Variants in ANO10 observed in about 807,000 individuals in gnomAD.
The protein encoded by ANO10 is anoctamin-10.
In ANO10, 77 loss-of-function variants were observed where a neutral mutation model predicts 74.7. That is an observed-to-expected ratio of 1.03 (90% CI 0.86 to 1.25). The LOEUF (loss-of-function observed/expected upper bound fraction) is 1.25. Among genes scored for constraint, ANO10 ranks in the 50% most tolerant of loss-of-function variants. The probability of loss-of-function intolerance (pLI) is 0.00; values close to 1 mark genes in which losing one functional copy is unlikely to be tolerated. For synonymous variants in ANO10, 279 were observed against 284.9 expected (o/e 0.98, Z 0.21); for missense variants, 721 against 778.1 (o/e 0.93, Z 0.87).
chr3:43,690,921 C>T (rs1356192941), intron 1 of ANO10: 9 of 1,493,638 alleles, frequency 6.0e-6, no homozygotes, highest in Middle Eastern at 2.1e-4. Flanking sequence ...AAGTGCCGCG[C>T]CAGCCCGGGG....
intron 12 of ANO10, among the ~76,000 whole-genome samples, chr3:43,418,092 C>T (rs1286457729): frequency 1.3e-5 from 2 of 152,144 alleles, no homozygotes; most frequent in Non-Finnish European, 2.9e-5. Flanking sequence ...GCCTGAGCAA[C>T]ATGGTGAAAC....
intron 11 of ANO10, among the ~76,000 whole-genome samples, chr3:43,461,546 C>T (rs6441777): frequency 0.92 from 140,289 of 152,258 alleles, 64,916 homozygotes; most frequent in Non-Finnish European, 0.97. Context: ...AGCAAGTCAT[C>T]CCTGTGGTGT....
upstream of ANO10, among the ~76,000 whole-genome samples, chr3:43,626,333 C>T (rs1575569183): frequency 7.0e-6 from 1 of 143,088 alleles, no homozygotes; most frequent in South Asian, 2.2e-4. Flanking sequence ...CTCGCTGTAT[C>T]GCCCAGGCTG....
chr3:43,393,572 T>G (rs1389965103), intron 12 of ANO10, among the ~76,000 whole-genome samples: 1 of 152,188 alleles, frequency 6.6e-6, no homozygotes, highest in Non-Finnish European at 1.5e-5. Flanking sequence ...CAGCCCTGTG[T>G]GCAAGGCTCC....
chr3:43,526,639 C>T (rs922049226), intron 11 of ANO10, among the ~76,000 whole-genome samples: 3 of 152,114 alleles, frequency 2.0e-5, no homozygotes, highest in African/African-American at 7.2e-5. Context: ...CATGAAGGGG[C>T]TTCTGGTAAA....
rs539828499 is a variant in ANO10 at position 43,400,012 on chromosome 3, A to G, written c.1914+32599T>C. Among the ~76,000 whole-genome samples, 55 of 152,282 alleles carry G rather than the reference A, an allele frequency of 3.6e-4. No individual in the cohort carries two copies. The East Asian group carries it at 6.6e-3, about 18-fold the overall frequency. ...AATACAGGGAGTGCTCTCATCTCCC[A>G]ACAGCTGGCTGTATCTAAAGAGGGT... On this transcript the variant is annotated intron_variant, in intron 12 of 12. Transcript: ENST00000292246.
At chr3:43,637,971 A>C (rs1332999783) in intron 1 of ANO10, among the ~76,000 whole-genome samples, 2 of 152,364 alleles carry the variant, frequency 1.3e-5, no homozygotes, top group East Asian at 1.9e-4. Context: ...AGTTTTAAAA[A>C]TTGTTTCCTT....
chr3:43,691,277 G>A, intron 1 of ANO10: 1 of 371,064 alleles, frequency 2.7e-6, no homozygotes, highest in East Asian at 4.0e-5. Context: ...GACTCCGGCC[G>A]CGCCGGGAGG....
chr3:43,634,038 T>C (rs1227311343), intron 1 of ANO10, among the ~76,000 whole-genome samples: 1 of 147,324 alleles, frequency 6.8e-6, no homozygotes, highest in Non-Finnish European at 1.5e-5. Flanking sequence ...TTCAAGACCG[T>C]CTGCTACACA....
chr3:43,607,224 G>T (rs1445755658), intron 1 of ANO10, among the ~76,000 whole-genome samples: 7 of 151,914 alleles, frequency 4.6e-5, no homozygotes, highest in Admixed American at 4.6e-4. Context: ...CAACTAAGCT[G>T]GACATGGTGG....
intron 4 of ANO10, 68 bp downstream of exon 4, chr3:43,598,464 G>GA (rs1374342984): frequency 1.3e-6 from 2 of 1,501,650 alleles, no homozygotes; most frequent in Non-Finnish European, 9.2e-7. Context: ...CTGTAAGAGG[G>GA]AAAAAAGGCA....
At chr3:43,527,870 A>G (rs2078277614) in intron 11 of ANO10, among the ~76,000 whole-genome samples, 1 of 152,202 alleles carries the variant, frequency 6.6e-6, no homozygotes, top group African/African-American at 2.4e-5. Context: ...AGTGCTTGAA[A>G]ATGCACAGAA....
chr3:43,576,589 C>T, intron 6 of ANO10, 103 bp downstream of exon 6: 1 of 1,245,008 alleles, frequency 8.0e-7, no homozygotes, highest in Non-Finnish European at 1.2e-6. Flanking sequence ...GAGCCAAGAG[C>T]AACATCTATT....
At chr3:43,383,780 G>A (rs1302343721) in intron 12 of ANO10, among the ~76,000 whole-genome samples, 2 of 152,104 alleles carry the variant, frequency 1.3e-5, no homozygotes, top group African/African-American at 4.8e-5. Context: ...CATACCCTAA[G>A]GTAATAAAAG....
At chr3:43,416,348 C>T (rs11706123) in intron 12 of ANO10, among the ~76,000 whole-genome samples, 28,733 of 152,078 alleles carry the variant, frequency 0.19, 3,202 homozygotes, top group Middle Eastern at 0.35. Flanking sequence ...AGAGATCAAA[C>T]GTTTAGTTAT....
In ANO10 at chr3:43,475,321, C is replaced by T. The variant is rs1415222460; in HGVS notation, c.1798-42594G>A. ...GTGAATTTTTTTTCTTACAGTTTCT[C>T]TCTTTGGTGTCATTCTTATAGTCAA... On this transcript the variant is annotated intron_variant, in intron 11 of 12. Transcript: ENST00000292246. 2.0e-5 allele frequency among the ~76,000 whole-genome samples: 3 copies of T among 152,128 alleles called. No individual in the cohort carries two copies. The East Asian group carries it at 5.8e-4, about 29-fold the overall frequency.
chr3:43,455,840 T>C (rs1320487485), intron 11 of ANO10, among the ~76,000 whole-genome samples: 1 of 152,044 alleles, frequency 6.6e-6, no homozygotes, highest in Non-Finnish European at 1.5e-5. Flanking sequence ...TATATAAAGA[T>C]ATATAAAAAT....
intron 11 of ANO10, among the ~76,000 whole-genome samples, chr3:43,451,416 C>T (rs548921279): frequency 2.0e-5 from 3 of 152,324 alleles, no homozygotes; most frequent in Admixed American, 1.3e-4. Flanking sequence ...CCCAACTTCT[C>T]CCTCTGTTCA....
At chr3:43,564,282 C>T (rs1039228206) in intron 8 of ANO10, among the ~76,000 whole-genome samples, 1 of 152,066 alleles carries the variant, frequency 6.6e-6, no homozygotes, top group Non-Finnish European at 1.5e-5. Context: ...AATCTGCCTG[C>T]CTCAGCCTCC....
Sources: allele counts gnomAD v4.1 joint callset (sites outside exome capture counted in the v4.1 genomes callset), GRCh38; gene constraint gnomAD v4.1.1; transcripts MANE v1.5; gene names NCBI Gene and HGNC (gene_info 2026-07-23, HGNC 2026-07-21).